The following CTNNA2 variants were observed in gnomAD, a reference collection of about 807,000 sequenced individuals.
The protein encoded by CTNNA2 is catenin alpha-2.
CTNNA2 carries 42 observed loss-of-function variants against 101.0 expected under a neutral mutation model. The ratio of observed to expected loss-of-function variants is 0.42; its 90% CI spans 0.32 to 0.54. CTNNA2 has a LOEUF of 0.54. Ranked by LOEUF, CTNNA2 falls within the 20% of genes least tolerant of loss-of-function variation. CTNNA2 has a pLI of 0.14. For synonymous variants in CTNNA2, 450 were observed against 456.4 expected, an observed-to-expected ratio of 0.99 and a Z score of 0.18; for missense variants, 871 against 1,223.1, an observed-to-expected ratio of 0.71 and a Z score of 4.29.
intron 7 of CTNNA2, chr2:80,299,429 C>G (rs954157916): frequency 6.6e-6 from 1 of 151,380 alleles, no homozygotes; most frequent in African/African-American, 2.4e-5. Context: ...GAGCTAAATT[C>G]CCGTTTGTGT....
intron 9 of CTNNA2, among the ~76,000 whole-genome samples, chr2:80,536,191 A>G (rs1469922639): frequency 6.6e-6 from 1 of 152,198 alleles, no homozygotes; most frequent in Non-Finnish European, 1.5e-5. Context: ...TAATTACATC[A>G]GCACAGATAA....
intron 7 of CTNNA2, among the ~76,000 whole-genome samples, chr2:80,253,553 C>G (rs537486276): frequency 6.6e-6 from 1 of 152,138 alleles, no homozygotes; most frequent in Non-Finnish European, 1.5e-5. Context: ...AATCTACCTG[C>G]TGTTCTTTTG....
chr2:79,300,988 T>C (rs1573053010), intron 2 of CTNNA2, among the ~76,000 whole-genome samples: 1 of 152,340 alleles, frequency 6.6e-6, no homozygotes, highest in African/African-American at 2.4e-5. Context: ...ACATTTTTCC[T>C]GACCTCTTTG....
At chr2:79,564,154 C>T (rs771780084) in intron 1 of CTNNA2, among the ~76,000 whole-genome samples, 3 of 151,976 alleles carry the variant, frequency 2.0e-5, no homozygotes, top group Non-Finnish European at 2.9e-5. Flanking sequence ...TGATAAAAAC[C>T]GCATGCTGAG....
intron 9 of CTNNA2, among the ~76,000 whole-genome samples, chr2:80,429,543 TG>T (rs1467948343): frequency 2.0e-5 from 3 of 152,352 alleles, no homozygotes; most frequent in Non-Finnish European, 4.4e-5. Flanking sequence ...GTACAGTTTC[TG>T]TCCCCAAAGT....
intron 2 of CTNNA2, among the ~76,000 whole-genome samples, chr2:79,279,345 G>A (rs1456218313): frequency 1.3e-5 from 2 of 152,012 alleles, no homozygotes; most frequent in African/African-American, 4.8e-5. Flanking sequence ...AGTGAATGAG[G>A]GGAGGAAATT....
intron 7 of CTNNA2, among the ~76,000 whole-genome samples, chr2:80,171,485 A>C (rs1318897932): frequency 6.6e-6 from 1 of 152,228 alleles, no homozygotes; most frequent in East Asian, 1.9e-4. Flanking sequence ...GTATCTGTTA[A>C]GATACTGTAA....
chr2:80,228,268 A>G (rs1709003568), intron 7 of CTNNA2, among the ~76,000 whole-genome samples: 1 of 152,208 alleles, frequency 6.6e-6, no homozygotes, highest in African/African-American at 2.4e-5. Context: ...TAGGTTCAAA[A>G]TCAAGGGACC....
chr2:80,138,582 A>G (rs1702822420), intron 7 of CTNNA2, among the ~76,000 whole-genome samples: 1 of 152,074 alleles, frequency 6.6e-6, no homozygotes. Context: ...CATCTTCCCA[A>G]GTACCCATCA....
intron 2 of CTNNA2, among the ~76,000 whole-genome samples, chr2:79,223,038 T>C (rs77495183): frequency 0.019 from 2,944 of 152,244 alleles, 141 homozygotes; most frequent in East Asian, 0.15. Context: ...AGCACATTTA[T>C]AGTCCCAGCT....
chr2:80,461,194 G>T (rs911152195), intron 9 of CTNNA2, among the ~76,000 whole-genome samples: 1 of 152,104 alleles, frequency 6.6e-6, no homozygotes, highest in African/African-American at 2.4e-5. Context: ...TGTTAAGTCA[G>T]TTTAGTAAGA....
chr2:80,606,367 AACACACACACACACACACACACAC>A (rs67402125), intron 16 of CTNNA2, among the ~76,000 whole-genome samples: 8 of 137,510 alleles, frequency 5.8e-5, no homozygotes, highest in South Asian at 2.5e-4. Flanking sequence ...AAACACATCA[AACACACACACACACACACACACAC>A]ACACACACAC....
intron 4 of CTNNA2, among the ~76,000 whole-genome samples, chr2:79,400,638 G>C (rs1678280079): frequency 6.6e-6 from 1 of 151,844 alleles, no homozygotes; most frequent in African/African-American, 2.4e-5. Context: ...AATAAGTAGA[G>C]CTTCAGAAAT....
rs1213639376 is a variant in CTNNA2, at chr2:80,586,639, G to A, written c.2008-2665G>A. Reference sequence around the variant, plus strand: ...TTGCTATGAACACAACATTGCAAATGTGAGCTTACAATAAACTCTTGTATA... The same window carrying A: ...TTGCTATGAACACAACATTGCAAATATGAGCTTACAATAAACTCTTGTATA... On this transcript the variant is annotated intron_variant, in intron 14 of 18. Coordinates refer to ENST00000402739, the MANE Select transcript of CTNNA2 (RefSeq NM_001282597.3). 6 of 152,194 alleles carry A rather than the reference G, an allele frequency of 3.9e-5. No individual in the cohort carries two copies. The East Asian group carries it at 1.2e-3, about 29-fold the overall frequency. The allele number at this position is 152,194 out of a possible 1,614,324, so 9.4% of individuals were successfully genotyped here.
At chr2:79,220,487 T>C (rs902998060) in intron 2 of CTNNA2, among the ~76,000 whole-genome samples, 2 of 152,086 alleles carry the variant, frequency 1.3e-5, no homozygotes, top group Non-Finnish European at 2.9e-5. Context: ...GGTGGGTCCC[T>C]GTAAGAATTA....
chr2:79,286,111 A>G (rs1164697537), intron 2 of CTNNA2, among the ~76,000 whole-genome samples: 14 of 151,654 alleles, frequency 9.2e-5, no homozygotes, highest in African/African-American at 3.2e-4. Context: ...TGCTTGGTAG[A>G]TCTTCCTCCA....
chr2:80,009,756 G>GTC (rs367758452), intron 7 of CTNNA2, among the ~76,000 whole-genome samples: 34 of 148,106 alleles, frequency 2.3e-4, no homozygotes, highest in Non-Finnish European at 3.4e-4. Context: ...GTGTGTCAGA[G>GTC]AGAGAGACAG....
intron 5 of CTNNA2, among the ~76,000 whole-genome samples, chr2:79,505,409 C>A (rs1053166247): frequency 6.6e-6 from 1 of 152,028 alleles, no homozygotes; most frequent in South Asian, 2.1e-4. Flanking sequence ...TGATTTATTT[C>A]CTTGCTCTAC....
chr2:80,390,854 G>A lies in CTNNA2; in HGVS notation c.1057-2357G>A, dbSNP rs115003147. Reference sequence around the variant, plus strand: ...GATTTTAAAAATATTACATTAGGTCGGGCGTGGTGGCTCATGCCTGTAATA... The same window carrying A: ...GATTTTAAAAATATTACATTAGGTCAGGCGTGGTGGCTCATGCCTGTAATA... On this transcript the variant is annotated intron_variant, in intron 7 of 18. Coordinates refer to ENST00000402739, the MANE Select transcript of CTNNA2 (RefSeq NM_001282597.3). 6.9e-3 allele frequency among the ~76,000 whole-genome samples: 1,044 copies of A among 151,932 alleles called. 15 individuals carry two copies. Among genetic ancestry groups the A allele is most frequent in the African/African-American group, 0.024 (1,006 of 41,398 alleles).
Sources: gnomAD v4.1 joint callset for allele counts (sites outside exome capture counted in the v4.1 genomes callset) on GRCh38, gnomAD v4.1.1 for gene constraint, MANE v1.5 for transcripts, NCBI Gene and HGNC (gene_info 2026-07-23, HGNC 2026-07-21) for gene names.